Variants in PBXIP1 observed in about 807,000 individuals in gnomAD.
The protein encoded by PBXIP1 is pre-B-cell leukemia transcription factor-interacting protein 1.
A neutral mutation model predicts 73.7 loss-of-function variants in PBXIP1; 73 were observed. The ratio of observed to expected loss-of-function variants is 0.99; its 90% CI spans 0.82 to 1.20. PBXIP1 has a LOEUF of 1.20. Ranked by LOEUF, PBXIP1 falls within the 50% of genes most tolerant of loss-of-function variation. PBXIP1 has a pLI of 0.00. For missense variants in PBXIP1, 818 were observed against 911.4 expected (o/e 0.90, Z 1.32); for synonymous variants, 330 against 366.9 (o/e 0.90, Z 1.15).
At chr1:154,948,985 G>A (rs1465183508) in intron 5 of PBXIP1, among the ~76,000 whole-genome samples, 2 of 151,956 alleles carry the variant, frequency 1.3e-5, no homozygotes, top group East Asian at 3.9e-4. Flanking sequence ...CCAATTCAGG[G>A]GAAGGCACTG....
rs764578919 is a variant in PBXIP1 at position 154,953,773 on chromosome 1, C to G, written c.-36-16G>C. ...TGGCTGCCACCTGCAGAAGAAAGCT[C>G]TCTTAAGGATGGGAGCTCCCTTCAG... On this transcript the variant is annotated splice_polypyrimidine_tract_variant and intron_variant, in intron 1 of 10. Coordinates refer to ENST00000368463, the MANE Select transcript of PBXIP1 (RefSeq NM_020524.4). The G allele has an allele frequency of 1.3e-6, 2 of 1,574,094 alleles. No homozygotes were observed. The highest frequency in any genetic ancestry group is 3.4e-5 in the Admixed American group (2 of 58,472).
chr1:154,946,709 G>A lies in PBXIP1; in HGVS notation c.965C>T (p.Ala322Val), dbSNP rs760022387. The change falls in exon 10 of 11, where the codon GCC (alanine) becomes GTC (valine). Residue 322 changes from alanine (A) to valine (V), a missense_variant. Ala to Val is a moderately conservative substitution (Grantham distance 64). Coordinates refer to ENST00000368463, the MANE Select transcript of PBXIP1 (RefSeq NM_020524.4). ...CTCTGACTCCAGAGCCCGCTGGAAG[G>A]CTTCGCCCTGCTGCAGAGCCCCCCG... The part of the protein sequence containing the change: ...QLRGALQQGE[A>V]FQRALESELQ... 2 of 1,610,632 alleles carry A rather than the reference G, an allele frequency of 1.2e-6. No homozygotes were observed. Among genetic ancestry groups the A allele is most frequent in the Non-Finnish European group, 1.7e-6 (2 of 1,177,592 alleles).
rs145022006 is a variant in PBXIP1, at chr1:154,946,603, A to G, written c.1071T>C (p.Gly357=). The change falls in exon 10 of 11, where the codon GGT becomes GGC. Residue 357 remains glycine, a synonymous_variant. Coordinates refer to ENST00000368463, the MANE Select transcript of PBXIP1 (RefSeq NM_020524.4). The part of the protein sequence containing the change: ...RGPDGVCLSG[G]RGPQGDKAIR... Reference sequence around the variant, plus strand: ...TGGCCTTGTCACCCTGTGGGCCTCTACCCCCACTGAGGCACACCCCATCTG... The same window carrying G: ...TGGCCTTGTCACCCTGTGGGCCTCTGCCCCCACTGAGGCACACCCCATCTG... The G allele has an allele frequency of 6.2e-6, 10 of 1,612,570 alleles. No individual in the cohort carries two copies. In the African/African-American group the frequency reaches 1.3e-4, roughly 22 times the overall value.
At chr1:154,947,793 C>T in intron 7 of PBXIP1, 81 bp from the exon 8 acceptor site, 1 of 1,484,128 alleles carries the variant, frequency 6.7e-7, no homozygotes, top group Non-Finnish European at 9.3e-7. Flanking sequence ...CACACAGCCA[C>T]CACTCCTGCT....
At chr1:154,949,269 G>A (rs917403682) in intron 5 of PBXIP1, among the ~76,000 whole-genome samples, 1 of 151,826 alleles carries the variant, frequency 6.6e-6, no homozygotes, top group Admixed American at 6.6e-5. Flanking sequence ...AGGCTCAAGC[G>A]ATCCTCCCAC....
Position 154,946,437 on chromosome 1 carries a change from C to T in PBXIP1, c.1237G>A (p.Glu413Lys), listed in dbSNP as rs1271589507. 1.2e-6 allele frequency: 2 copies of T among 1,609,684 alleles called. No homozygotes were observed. Residue 413 changes from glutamate to lysine, a missense_variant, in exon 10 of 11, where the codon GAG (glutamate) becomes AAG (lysine). Coordinates refer to ENST00000368463, the MANE Select transcript of PBXIP1 (RefSeq NM_020524.4). Reference sequence around the variant, plus strand: ...CGGCTGGCATCCTGCAAGCTCCTCTCCAGATCCTGCTGTACAGACCCCAGC... The same window carrying T: ...CGGCTGGCATCCTGCAAGCTCCTCTTCAGATCCTGCTGTACAGACCCCAGC... ...RLLGSVQQDL[E>K]RSLQDASRGD... is the part of the protein sequence containing the mutation.
chr1:154,953,660 G>A lies in PBXIP1; in HGVS notation c.51+11C>T, dbSNP rs367822351. On this transcript the variant is annotated intron_variant, in intron 2 of 10. Coordinates refer to ENST00000368463, the MANE Select transcript of PBXIP1 (RefSeq NM_020524.4). ...CCCCACCCCCATGGTTCCCAGGCCCGCTCTTCCTACCTCGGAGCCAGCAAG... is the reference window on the plus strand; with the variant it reads ...CCCCACCCCCATGGTTCCCAGGCCCACTCTTCCTACCTCGGAGCCAGCAAG... The A allele has an allele frequency of 2.3e-4, 364 of 1,573,178 alleles. 1 individual carries two copies. Among genetic ancestry groups the A allele is most frequent in the Admixed American group, 3.2e-4 (19 of 59,822 alleles).
intron 5 of PBXIP1, among the ~76,000 whole-genome samples, chr1:154,948,825 C>G (rs185795705): frequency 3.3e-5 from 5 of 149,714 alleles, no homozygotes; most frequent in Admixed American, 2.6e-4. Context: ...ACCACTGACA[C>G]CCCCCTTCAG....
chr1:154,946,344 C>G lies in PBXIP1; in HGVS notation c.1330G>C (p.Glu444Gln). ...HRLAQKLQGL[E>Q]NWGQDPGVSA... ...ACCCCAGGGTCCTGGCCCCAGTTCT[C>G]CAGGCCCTGCAGTTTCTGGGCCAAT... The change falls in exon 10 of 11, where the codon GAG becomes CAG. Residue 444 changes from glutamate (E) to glutamine (Q), a missense_variant. Physicochemically the swap from Glu to Gln is conservative, Grantham distance 29. Transcript: ENST00000368463. 1 of 1,614,008 alleles carries G rather than the reference C, an allele frequency of 6.2e-7. No homozygotes were observed.
chr1:154,953,913 C>T (rs144167300), intron 1 of PBXIP1, among the ~76,000 whole-genome samples, 156 bp from the exon 2 acceptor site: 1 of 152,350 alleles, frequency 6.6e-6, no homozygotes, highest in East Asian at 1.9e-4. Context: ...CCCAGCTCTT[C>T]TAAGCAGTAT....
At chr1:154,953,611 C>T (rs1655078045) in intron 2 of PBXIP1, 60 bp downstream of exon 2, 2 of 1,106,992 alleles carry the variant, frequency 1.8e-6, no homozygotes, top group Non-Finnish European at 2.8e-6. Context: ...GAAAGAAGCC[C>T]AGCACTGCAG....
At position 154,946,440 on chromosome 1, in the gene PBXIP1, G is replaced by C; in HGVS notation, c.1234C>G (p.Leu412Val). ...RRLLGSVQQD[L>V]ERSLQDASRG... ...CTGGCATCCTGCAAGCTCCTCTCCA[G>C]ATCCTGCTGTACAGACCCCAGCAGC... is the stretch of plus-strand genomic sequence containing the variant. The change falls in exon 10 of 11, where the codon CTG becomes GTG. Residue 412 changes from leucine (L) to valine (V), a missense_variant. Physicochemically the swap from Leu to Val is conservative, Grantham distance 32 (BLOSUM62 1). Coordinates refer to ENST00000368463, the MANE Select transcript of PBXIP1 (RefSeq NM_020524.4). The C allele has an allele frequency of 6.2e-7, 1 of 1,609,566 alleles. No individual in the cohort carries two copies.
intron 1 of PBXIP1, 129 bp from the exon 2 acceptor site, chr1:154,953,886 CCTT>C: frequency 1.7e-6 from 1 of 602,502 alleles, no homozygotes; most frequent in South Asian, 2.0e-5. Context: ...TGGTTCCAGT[CCTT>C]CTCTCCCTGA....
chr1:154,946,593 G>A lies in PBXIP1; in HGVS notation c.1081C>T (p.Gln361Ter), dbSNP rs1235218669. ...TGCTCCCTGATGGCCTTGTCACCCT[G>A]TGGGCCTCTACCCCCACTGAGGCAC... ...GVCLSGGRGP[Q>*]GDKAIREQGP... is the part of the protein sequence containing the mutation. Residue 361 changes from glutamine (Q) to a stop codon, truncating the protein, a stop_gained, in exon 10 of 11, where the codon CAG becomes TAG. Coordinates refer to ENST00000368463, the MANE Select transcript of PBXIP1 (RefSeq NM_020524.4). LOFTEE classifies it high-confidence loss of function. The A allele has an allele frequency of 6.2e-7, 1 of 1,613,106 alleles. No individual in the cohort carries two copies. Among genetic ancestry groups the A allele is most frequent in the Non-Finnish European group, 8.5e-7 (1 of 1,179,804 alleles).
In PBXIP1 at chr1:154,944,966, G is replaced by A; in HGVS notation, c.*58C>T. The A allele has an allele frequency of 7.2e-7, 1 of 1,390,888 alleles. No individual in the cohort carries two copies. The highest frequency in any genetic ancestry group is 1.0e-6 in the Non-Finnish European group (1 of 979,620). 86.2% of individuals were successfully genotyped at this position (1,390,888 alleles called of 1,614,324 possible). A position where few individuals can be genotyped will look rare whatever the true frequency, so the allele number is the denominator to read the frequency against. Reference sequence around the variant, plus strand: ...GACAGAGTCCACCCTCCAGGAGTTAGATAACGCTGGGATCTTGGGCTGGGC... The same window carrying A: ...GACAGAGTCCACCCTCCAGGAGTTAAATAACGCTGGGATCTTGGGCTGGGC... On this transcript the variant is annotated 3_prime_UTR_variant, in exon 11 of 11. Transcript: ENST00000368463.
chr1:154,949,120 T>C (rs1654927682), intron 5 of PBXIP1, among the ~76,000 whole-genome samples: 1 of 152,068 alleles, frequency 6.6e-6, no homozygotes, highest in African/African-American at 2.4e-5. Flanking sequence ...CTGCCTTAGT[T>C]CAGGTCTGCA....
intron 9 of PBXIP1, 99 bp from the exon 10 acceptor site, chr1:154,946,902 G>T: frequency 2.4e-6 from 3 of 1,225,394 alleles, no homozygotes; most frequent in Non-Finnish European, 3.4e-6. Context: ...GTGGGCAGGT[G>T]GCCTGAGCCC....
Position 154,945,898 on chromosome 1 carries a change from G to T in PBXIP1, c.1776C>A (p.Asp592Glu). ...YRAPQGCSGV[D>E]ECARQEGLTF... ...TCAGGCCCTCCTGCCGGGCACACTC[G>T]TCCACACCTGAGCAGCCCTGGGGTG... The change falls in exon 10 of 11, where the codon GAC becomes GAA. Residue 592 changes from aspartate (D) to glutamate (E), a missense_variant. By Grantham distance (45) the Asp-to-Glu change is conservative (BLOSUM62 2). Coordinates refer to ENST00000368463, the MANE Select transcript of PBXIP1 (RefSeq NM_020524.4). The T allele has an allele frequency of 6.2e-7, 1 of 1,614,134 alleles. No individual in the cohort carries two copies. Among genetic ancestry groups the T allele is most frequent in the South Asian group, 1.1e-5 (1 of 91,086 alleles).
In PBXIP1 at chr1:154,951,470, C is replaced by A; in HGVS notation, c.243+1G>T. The A allele has an allele frequency of 6.2e-7, 1 of 1,614,118 alleles. No individual in the cohort carries two copies. The highest frequency in any genetic ancestry group is 1.3e-5 in the African/African-American group (1 of 75,034). ...TTCCTTCCCACAGCAAATCTCCTCA[C>A]CTTGACCTCAGTCTCCTCTGTTAGA... is the stretch of plus-strand genomic sequence containing the variant. On this transcript the variant is annotated splice_donor_variant, in intron 4 of 10. Coordinates refer to ENST00000368463, the MANE Select transcript of PBXIP1 (RefSeq NM_020524.4). LOFTEE classifies it high-confidence loss of function. This position sits in a 1 kb window ranked among gnomAD's most constrained non-coding sequence, Gnocchi z 4.3.
Sources: allele counts gnomAD v4.1 joint callset (sites outside exome capture counted in the v4.1 genomes callset), GRCh38; gene constraint gnomAD v4.1.1; non-coding constraint Gnocchi (gnomAD v3.1); transcripts MANE v1.5; gene names NCBI Gene and HGNC (gene_info 2026-07-23, HGNC 2026-07-21).